The following CRTC3 variants were observed in gnomAD, a reference collection of about 807,000 sequenced individuals.
CRTC3 encodes the protein CREB regulated transcription coactivator 3.
CRTC3 carries 26 observed loss-of-function variants against 74.5 expected under a neutral mutation model. The ratio of observed to expected loss-of-function variants is 0.35; its 90% CI spans 0.26 to 0.48. The LOEUF (loss-of-function observed/expected upper bound fraction) is 0.48, where lower values mean the gene tolerates loss of function less well. Among genes scored for constraint, CRTC3 ranks in the 20% least tolerant of loss-of-function variants. CRTC3 has a pLI of 0.99. For synonymous variants in CRTC3, 377 were observed against 325.8 expected, an observed-to-expected ratio of 1.16 and a Z score of -1.69; for missense variants, 760 against 787.3, an observed-to-expected ratio of 0.97 and a Z score of 0.41.
chr15:90,576,632 A>T (rs1462095323), intron 2 of CRTC3, among the ~76,000 whole-genome samples: 1 of 152,192 alleles, frequency 6.6e-6, no homozygotes, highest in Non-Finnish European at 1.5e-5. Flanking sequence ...GAGTGTGCGA[A>T]GAAGACTGGA....
intron 7 of CRTC3, among the ~76,000 whole-genome samples, chr15:90,615,356 T>C (rs1357937452): frequency 1.3e-5 from 2 of 152,206 alleles, no homozygotes; most frequent in Non-Finnish European, 2.9e-5. Context: ...TCTCTAAATC[T>C]TTATAATCTG....
At chr15:90,599,964 C>G (rs1357784500) in intron 3 of CRTC3, among the ~76,000 whole-genome samples, 1 of 151,414 alleles carries the variant, frequency 6.6e-6, no homozygotes, top group East Asian at 1.9e-4. Flanking sequence ...CTCGGTGTTT[C>G]CTCCCTAATG....
intron 10 of CRTC3, among the ~76,000 whole-genome samples, chr15:90,627,239 T>A (rs948537001): frequency 5.3e-5 from 8 of 152,218 alleles, no homozygotes; most frequent in African/African-American, 1.7e-4. Flanking sequence ...TTATTTTTGT[T>A]TTTTGGGTCA....
chr15:90,619,466 T>C (rs1294945079), intron 8 of CRTC3, among the ~76,000 whole-genome samples: 2 of 152,210 alleles, frequency 1.3e-5, no homozygotes, highest in African/African-American at 2.4e-5. Flanking sequence ...AAAAGCTCTA[T>C]GTGTAAAACA....
intron 7 of CRTC3, among the ~76,000 whole-genome samples, chr15:90,617,027 G>C (rs1171477577): frequency 1.3e-5 from 2 of 152,086 alleles, no homozygotes; most frequent in Admixed American, 1.3e-4. Flanking sequence ...TGCCAAGCCT[G>C]CAGAGCCCCC....
intron 2 of CRTC3, among the ~76,000 whole-genome samples, chr15:90,583,651 C>G (rs954110062): frequency 3.3e-5 from 5 of 152,108 alleles, no homozygotes; most frequent in African/African-American, 7.2e-5. Context: ...GGGGGAAAAG[C>G]CTTCCAAAAC....
At chr15:90,532,809 G>A (rs1465201351) in intron 1 of CRTC3, among the ~76,000 whole-genome samples, 1 of 152,144 alleles carries the variant, frequency 6.6e-6, no homozygotes, top group African/African-American at 2.4e-5. Context: ...AAGTGGGGTC[G>A]GGCGTGGTGG....
At chr15:90,550,686 C>T (rs370392994) in intron 2 of CRTC3, among the ~76,000 whole-genome samples, 3 of 151,740 alleles carry the variant, frequency 2.0e-5, no homozygotes, top group Admixed American at 1.3e-4. Flanking sequence ...GATCTCGAAA[C>T]CTGCTTTTTT....
intron 13 of CRTC3, 63 bp from the exon 14 acceptor site, chr15:90,641,034 A>G: frequency 2.8e-6 from 3 of 1,071,762 alleles, no homozygotes; most frequent in South Asian, 1.3e-5. Context: ...GCACATTGCA[A>G]TACTCACTTC....
chr15:90,642,411 C>G lies in CRTC3; in HGVS notation c.*271C>G, dbSNP rs1969482753. ...CCATGAACTGGAAAGCTCACCTCCA[C>G]TGCATCTTTTTACTGGCCATCCAGT... On this transcript the variant is annotated 3_prime_UTR_variant, in exon 15 of 15. Coordinates refer to ENST00000268184, the MANE Select transcript of CRTC3 (RefSeq NM_022769.5). 3.9e-6 allele frequency: 2 copies of G among 513,040 alleles called. No homozygotes were observed. Among genetic ancestry groups the G allele is most frequent in the Admixed American group, 6.5e-5 (2 of 30,712 alleles). 31.8% of individuals were successfully genotyped at this position (513,040 alleles called of 1,614,324 possible). A position where few individuals can be genotyped will look rare whatever the true frequency, so the allele number is the denominator to read the frequency against.
chr15:90,638,352 C>G, intron 11 of CRTC3, 94 bp from the exon 12 acceptor site: 1 of 1,078,214 alleles, frequency 9.3e-7, no homozygotes, highest in Non-Finnish European at 1.4e-6. Flanking sequence ...AGGAAAATCT[C>G]AGGCTTCCTC....
chr15:90,625,768 T>C lies in CRTC3; in HGVS notation c.750-8T>C. The stretch of plus-strand genomic sequence containing the variant: ...GTAGAAAGTCATTCTTAATCTTTCT[T>C]TTTTCAGTGCTTTTCCACATAATGG... On this transcript the variant is annotated splice_polypyrimidine_tract_variant and splice_region_variant and intron_variant, in intron 9 of 14. Transcript: ENST00000268184. 1.9e-6 allele frequency: 3 copies of C among 1,612,010 alleles called. No individual in the cohort carries two copies. Among genetic ancestry groups the C allele is most frequent in the Non-Finnish European group, 2.5e-6 (3 of 1,178,028 alleles).
At chr15:90,619,619 C>CT (rs1462426019) in intron 8 of CRTC3, 122 bp from the exon 9 acceptor site, 4 of 767,368 alleles carry the variant, frequency 5.2e-6, no homozygotes, top group African/African-American at 1.7e-5. Context: ...TGTGAGGACT[C>CT]TGTCGACACG....
chr15:90,623,534 G>T (rs1345026253), intron 9 of CRTC3, among the ~76,000 whole-genome samples: 2 of 152,132 alleles, frequency 1.3e-5, no homozygotes, highest in Non-Finnish European at 2.9e-5. Context: ...CTACTTCCCT[G>T]TCTCTAGAGT....
intron 2 of CRTC3, among the ~76,000 whole-genome samples, chr15:90,589,254 A>T (rs1967741670): frequency 6.6e-6 from 1 of 152,018 alleles, no homozygotes. Context: ...ATGGGGTTTC[A>T]CCGTGTTGAC....
In CRTC3 at chr15:90,571,813, CA is replaced by C. The variant is rs533291199; in HGVS notation, c.232-21822del. On this transcript the variant is annotated intron_variant, in intron 2 of 14. Coordinates refer to ENST00000268184, the MANE Select transcript of CRTC3 (RefSeq NM_022769.5). Reference sequence around the variant, plus strand: ...ATATGCAAGCGTGTGTGTGTATATACATATTTTCTTTCTACACAAATGGAAT... The same window carrying C: ...ATATGCAAGCGTGTGTGTGTATATACTATTTTCTTTCTACACAAATGGAAT... 2.0e-4 allele frequency among the ~76,000 whole-genome samples: 31 copies of C among 152,146 alleles called. 1 individual carries two copies. The East Asian group carries it at 6.0e-3, about 29-fold the overall frequency.
Position 90,604,448 on chromosome 15 carries a change from G to A in CRTC3, c.476+1G>A. Reference sequence around the variant, plus strand: ...TCAGGCTGACATCTGCACTTAACAGGTACATGGGTTGTTTCCTGGTAGGAG... The same window carrying A: ...TCAGGCTGACATCTGCACTTAACAGATACATGGGTTGTTTCCTGGTAGGAG... On this transcript the variant is annotated splice_donor_variant, in intron 5 of 14. Coordinates refer to ENST00000268184, the MANE Select transcript of CRTC3 (RefSeq NM_022769.5). LOFTEE classifies it high-confidence loss of function. The A allele has an allele frequency of 6.2e-7, 1 of 1,611,514 alleles. No individual in the cohort carries two copies. Among genetic ancestry groups the A allele is most frequent in the Non-Finnish European group, 8.5e-7 (1 of 1,177,626 alleles).
intron 4 of CRTC3, among the ~76,000 whole-genome samples, chr15:90,602,981 AAAAC>A (rs1955411401): frequency 6.6e-6 from 1 of 152,050 alleles, no homozygotes; most frequent in South Asian, 2.1e-4. Context: ...TCAAAAAACA[AAAAC>A]AAACACCTAA....
At position 90,538,613 on chromosome 15, in the gene CRTC3, T is replaced by G. The variant is rs982406445; in HGVS notation, c.133-1426T>G. On this transcript the variant is annotated intron_variant, in intron 1 of 14. Transcript: ENST00000268184. Reference sequence around the variant, plus strand: ...GGTAAAGATGAAAGATGATTGTATATAAGTTGGTAATTTTTAAGCTAGAAG... The same window carrying G: ...GGTAAAGATGAAAGATGATTGTATAGAAGTTGGTAATTTTTAAGCTAGAAG... Among the ~76,000 whole-genome samples the G allele has an allele frequency of 4.0e-5, 6 of 151,550 alleles. No individual in the cohort carries two copies. In the South Asian group the frequency reaches 1.3e-3, roughly 32 times the overall value.
Sources: allele counts gnomAD v4.1 joint callset (sites outside exome capture counted in the v4.1 genomes callset), GRCh38; gene constraint gnomAD v4.1.1; transcripts MANE v1.5; gene names NCBI Gene and HGNC (gene_info 2026-07-23, HGNC 2026-07-21).